The following ABHD12 variants were observed in gnomAD, a reference collection of about 807,000 sequenced individuals.
ABHD12 encodes lysophosphatidylserine lipase ABHD12.
Under a neutral mutation model 58.3 loss-of-function variants are expected in ABHD12, and 43 were observed. The observed-to-expected ratio is 0.74, with a 90% CI of 0.58 to 0.95. The LOEUF (loss-of-function observed/expected upper bound fraction) is 0.95, where lower values mean the gene tolerates loss of function less well. Among genes scored for constraint, ABHD12 ranks in the 40% least tolerant of loss-of-function variants. The pLI is 0.00. For missense variants in ABHD12, 539 were observed against 537.2 expected, an observed-to-expected ratio of 1.00 and a Z score of -0.03; for synonymous variants, 219 against 211.2, an observed-to-expected ratio of 1.04 and a Z score of -0.32.
At chr20:25,342,685 A>T (rs1052302290) in intron 1 of ABHD12, among the ~76,000 whole-genome samples, 2 of 152,016 alleles carry the variant, frequency 1.3e-5, no homozygotes, top group African/African-American at 4.8e-5. Flanking sequence ...TGCAGCCTCA[A>T]CCTCCCAGGT....
intron 1 of ABHD12, chr20:25,368,256 A>G (rs2089850905): frequency 6.6e-7 from 1 of 1,506,712 alleles, no homozygotes; most frequent in Non-Finnish European, 9.1e-7. Context: ...TGGTTAAGAT[A>G]AAACACAAGT....
At chr20:25,378,270 G>A (rs549727104) in intron 1 of ABHD12, among the ~76,000 whole-genome samples, 20 of 152,176 alleles carry the variant, frequency 1.3e-4, no homozygotes, top group Admixed American at 6.5e-4. Flanking sequence ...AAGAGCTGAT[G>A]GTTGCCAAGC....
At chr20:25,348,656 T>C (rs2089553959) in intron 1 of ABHD12, among the ~76,000 whole-genome samples, 1 of 151,814 alleles carries the variant, frequency 6.6e-6, no homozygotes, top group African/African-American at 2.4e-5. Flanking sequence ...TAGCGACAAC[T>C]CACTCAAATT....
chr20:25,368,548 A>T (rs1196668092), intron 1 of ABHD12: 1 of 1,420,690 alleles, frequency 7.0e-7, no homozygotes, highest in Non-Finnish European at 1.0e-6. Context: ...TGGACTTGCC[A>T]CCAGTGCCAT....
intron 1 of ABHD12, among the ~76,000 whole-genome samples, chr20:25,361,332 T>C: frequency 6.6e-6 from 1 of 152,218 alleles, no homozygotes. Flanking sequence ...AAACTGTATC[T>C]TTCCACTTAA....
chr20:25,353,004 T>C (rs1327041286), intron 1 of ABHD12, among the ~76,000 whole-genome samples: 1 of 152,250 alleles, frequency 6.6e-6, no homozygotes, highest in Non-Finnish European at 1.5e-5. Context: ...AGTGAGACTC[T>C]GTCTCTATTT....
intron 1 of ABHD12, among the ~76,000 whole-genome samples, chr20:25,373,831 C>T (rs750539275): frequency 6.6e-6 from 1 of 152,142 alleles, no homozygotes; most frequent in East Asian, 1.9e-4. Flanking sequence ...GCCACTATTT[C>T]TTCAAATATT....
At chr20:25,295,499 G>A, downstream of ABHD12, 1 of 1,335,916 alleles carries the variant, frequency 7.5e-7, no homozygotes, top group Non-Finnish European at 1.1e-6. Flanking sequence ...CTCCAGACAG[G>A]ACCAGGTGGA....
chr20:25,323,747 T>C (rs1055856766), intron 2 of ABHD12, among the ~76,000 whole-genome samples: 2 of 152,016 alleles, frequency 1.3e-5, no homozygotes, highest in African/African-American at 2.4e-5. Flanking sequence ...TCTAAGGTCA[T>C]TCTAGGTGTG....
intron 1 of ABHD12, among the ~76,000 whole-genome samples, chr20:25,344,253 C>G (rs1045820431): frequency 6.6e-6 from 1 of 151,974 alleles, no homozygotes; most frequent in African/African-American, 2.4e-5. Flanking sequence ...GTATAGAGAC[C>G]CGGGAAGGAA....
chr20:25,362,635 G>A (rs2146089819), intron 1 of ABHD12, among the ~76,000 whole-genome samples: 2 of 150,420 alleles, frequency 1.3e-5, no homozygotes, highest in Non-Finnish European at 3.0e-5. Context: ...GGGGAGGGGA[G>A]GGGACTCCAT....
intron 1 of ABHD12, among the ~76,000 whole-genome samples, chr20:25,350,959 TCACACA>T (rs61061019): frequency 0.12 from 16,923 of 141,884 alleles, 1,001 homozygotes; most frequent in Non-Finnish European, 0.15. Flanking sequence ...TACGAATCCT[TCACACA>T]CACACACACA....
intron 1 of ABHD12, among the ~76,000 whole-genome samples, chr20:25,344,728 T>C (rs2089496290): frequency 6.6e-6 from 1 of 152,128 alleles, no homozygotes; most frequent in Non-Finnish European, 1.5e-5. Context: ...AAGAACAAAC[T>C]TGGAGGACTG....
At chr20:25,325,702 A>G (rs6037086) in intron 2 of ABHD12, among the ~76,000 whole-genome samples, 93,679 of 151,962 alleles carry the variant, frequency 0.62, 30,444 homozygotes, top group African/African-American at 0.79. Context: ...TCAGACTCCC[A>G]GCCTCCACAA....
chr20:25,312,369 C>T (rs1441237889), intron 6 of ABHD12, among the ~76,000 whole-genome samples: 2 of 151,728 alleles, frequency 1.3e-5, no homozygotes, highest in African/African-American at 2.4e-5. Context: ...TTGGTGGAGA[C>T]GGGGTTTCGC....
chr20:25,375,785 A>G (rs1239500434), intron 1 of ABHD12, among the ~76,000 whole-genome samples: 4 of 152,214 alleles, frequency 2.6e-5, no homozygotes, highest in Admixed American at 2.0e-4. Flanking sequence ...GGGTAAATTC[A>G]GCCACCTTGG....
At chr20:25,389,171 A>G (rs73107466) in intron 1 of ABHD12, among the ~76,000 whole-genome samples, 1,556 of 151,796 alleles carry the variant, frequency 0.01, 17 homozygotes, top group Non-Finnish European at 0.017. Context: ...TGTTAATAAA[A>G]TTGTATTAAA....
At chr20:25,352,223 C>T (rs1202554482) in intron 1 of ABHD12, among the ~76,000 whole-genome samples, 5 of 151,820 alleles carry the variant, frequency 3.3e-5, no homozygotes, top group Non-Finnish European at 5.9e-5. Flanking sequence ...AACTCTTGAC[C>T]TCATGTGATC....
At chr20:25,371,440 TG>T (rs1472763731) in intron 1 of ABHD12, among the ~76,000 whole-genome samples, 1 of 152,234 alleles carries the variant, frequency 6.6e-6, no homozygotes, top group Non-Finnish European at 1.5e-5. Flanking sequence ...CCATCTTGAC[TG>T]CTTCATCTTC....
Sources: gnomAD v4.1 joint callset for allele counts (sites outside exome capture counted in the v4.1 genomes callset) on GRCh38, gnomAD v4.1.1 for gene constraint, MANE v1.5 for transcripts, NCBI Gene and HGNC (gene_info 2026-07-23, HGNC 2026-07-21) for gene names.